Variants in LRRC7 observed in about 807,000 individuals in gnomAD.
LRRC7 encodes the protein leucine rich repeat containing 7, also known as leucine-rich repeat-containing protein 7.
In LRRC7, 23 loss-of-function variants were observed where a neutral mutation model predicts 175.7. The ratio of observed to expected loss-of-function variants is 0.13; its 90% CI spans 0.09 to 0.19. The LOEUF (loss-of-function observed/expected upper bound fraction) is 0.19. Ranked by LOEUF, LRRC7 falls within the 10% of genes least tolerant of loss-of-function variation. The pLI, the probability that LRRC7 is intolerant of heterozygous loss-of-function variation, is 1.00. For synonymous variants in LRRC7, 685 were observed against 680.9 expected, an observed-to-expected ratio of 1.01 and a Z score of -0.09; for missense variants, 1,354 against 1,904.7, an observed-to-expected ratio of 0.71 and a Z score of 5.38.
At chr1:69,801,187 G>A (rs984619541) in intron 4 of LRRC7, among the ~76,000 whole-genome samples, 7 of 151,524 alleles carry the variant, frequency 4.6e-5, no homozygotes, top group Non-Finnish European at 8.9e-5. Flanking sequence ...TTTTATTGTC[G>A]TGTCCTTGTC....
intron 7 of LRRC7, among the ~76,000 whole-genome samples, chr1:69,870,390 A>T (rs542734127): frequency 6.6e-6 from 1 of 152,072 alleles, no homozygotes; most frequent in African/African-American, 2.4e-5. Flanking sequence ...GGTCCTTCAT[A>T]GAAGAGGTTG....
At chr1:70,101,899 CAT>C (rs1029738533) in intron 25 of LRRC7, among the ~76,000 whole-genome samples, 52 of 152,202 alleles carry the variant, frequency 3.4e-4, no homozygotes, top group Non-Finnish European at 1.2e-4. Context: ...CTGTCTCAAA[CAT>C]GTCTGAATGC....
chr1:69,928,168 T>A (rs1322743964), intron 7 of LRRC7, among the ~76,000 whole-genome samples: 1 of 152,086 alleles, frequency 6.6e-6, no homozygotes, highest in Non-Finnish European at 1.5e-5. Context: ...TCTGGAAGTT[T>A]TGTCTCAGAG....
At chr1:69,942,079 T>C (rs1648781386) in intron 8 of LRRC7, among the ~76,000 whole-genome samples, 1 of 152,124 alleles carries the variant, frequency 6.6e-6, no homozygotes, top group South Asian at 2.1e-4. Context: ...TCTCAATACA[T>C]GCTCTGGCCC....
chr1:69,584,557 C>G lies in LRRC7; in HGVS notation c.2+15916C>G, dbSNP rs1646331004. 2.0e-5 allele frequency among the ~76,000 whole-genome samples: 3 copies of G among 152,052 alleles called. No individual in the cohort carries two copies. The South Asian group carries it at 6.2e-4, about 32-fold the overall frequency. On this transcript the variant is annotated intron_variant, in intron 1 of 26. Coordinates refer to ENST00000651989, the MANE Select transcript of LRRC7 (RefSeq NM_001370785.2). ...TCCTAAAAGTGAACATAATACCCAT[C>G]TCACATAAATATTGTGAAGATTTAA...
intron 24 of LRRC7, among the ~76,000 whole-genome samples, chr1:70,088,757 A>G (rs1278735232): frequency 1.3e-5 from 2 of 152,152 alleles, no homozygotes; most frequent in South Asian, 2.1e-4. Context: ...TAGGTTTGTT[A>G]GAGTTTCTCT....
Position 70,144,198 on chromosome 1 carries a change from T to C in LRRC7, c.*22311T>C, listed in dbSNP as rs1667209551. 9 of 152,242 alleles carry C rather than the reference T, an allele frequency of 5.9e-5. No homozygotes were observed. The highest frequency in any genetic ancestry group is 5.9e-4 in the Admixed American group (9 of 15,286). 9.4% of individuals were successfully genotyped at this position (152,242 alleles called of 1,614,324 possible). A position where few individuals can be genotyped will look rare whatever the true frequency, so the allele number is the denominator to read the frequency against. On this transcript the variant is annotated 3_prime_UTR_variant, in exon 27 of 27. Transcript: ENST00000651989. Reference sequence around the variant, plus strand: ...TGATTAGAATGCATTTTGAAGATGCTTTCTGTACAGATACAAAATACAGGG... The same window carrying C: ...TGATTAGAATGCATTTTGAAGATGCCTTCTGTACAGATACAAAATACAGGG...
chr1:69,590,538 T>C (rs1361474972), intron 1 of LRRC7, among the ~76,000 whole-genome samples: 2 of 152,126 alleles, frequency 1.3e-5, no homozygotes, highest in Admixed American at 1.3e-4. Flanking sequence ...CCAAAAATGG[T>C]CCGTAACAAT....
chr1:69,939,021 ATATATATATCTATATATATC>A (rs1328300068), intron 8 of LRRC7, among the ~76,000 whole-genome samples: 5 of 118,468 alleles, frequency 4.2e-5, no homozygotes, highest in African/African-American at 1.5e-4. Context: ...ATATCTATAT[ATATATATATCTATATATATC>A]TATATCTATC....
chr1:69,733,894 C>T (rs1161776648), intron 2 of LRRC7, among the ~76,000 whole-genome samples: 6 of 151,980 alleles, frequency 3.9e-5, no homozygotes, highest in Non-Finnish European at 8.8e-5. Context: ...TTGTACTGAT[C>T]ACCCACCAAC....
chr1:69,955,040 A>G (rs1026095761), intron 8 of LRRC7, among the ~76,000 whole-genome samples: 6 of 152,120 alleles, frequency 3.9e-5, no homozygotes, highest in Non-Finnish European at 7.4e-5. Context: ...CGTTCATTCA[A>G]CAACTCTTAG....
chr1:69,988,170 C>A (rs894811565), intron 10 of LRRC7, among the ~76,000 whole-genome samples: 3 of 152,198 alleles, frequency 2.0e-5, no homozygotes, highest in Admixed American at 1.3e-4. Context: ...TATAAAAACT[C>A]TATATATTCA....
At chr1:69,589,023 T>C (rs1646517969) in intron 1 of LRRC7, among the ~76,000 whole-genome samples, 1 of 99,942 alleles carries the variant, frequency 1.0e-5, no homozygotes, top group South Asian at 3.4e-4. Flanking sequence ...GCATGTGATG[T>C]AATATACATG....
chr1:70,003,115 G>A (rs914921185), intron 11 of LRRC7, among the ~76,000 whole-genome samples: 4 of 152,074 alleles, frequency 2.6e-5, no homozygotes, highest in Admixed American at 6.6e-5. Context: ...GCTTGTAGGC[G>A]ACCACCATGT....
intron 7 of LRRC7, among the ~76,000 whole-genome samples, chr1:69,853,050 T>G (rs1683165076): frequency 6.6e-6 from 1 of 152,140 alleles, no homozygotes; most frequent in Non-Finnish European, 1.5e-5. Context: ...TACAAAATCT[T>G]TAAGTCATCC....
At chr1:69,676,915 T>C (rs1659843682) in intron 1 of LRRC7, among the ~76,000 whole-genome samples, 2 of 152,168 alleles carry the variant, frequency 1.3e-5, no homozygotes, top group South Asian at 4.1e-4. Flanking sequence ...AGGTAGTTTT[T>C]CATTAATTAA....
rs538707536 is a variant in LRRC7 at position 70,137,632 on chromosome 1, G to A, written c.*15745G>A. Among the ~76,000 whole-genome samples the A allele has an allele frequency of 2.0e-5, 3 of 152,290 alleles. No individual in the cohort carries two copies. The South Asian group carries it at 6.2e-4, about 32-fold the overall frequency. On this transcript the variant is annotated 3_prime_UTR_variant, in exon 27 of 27. Coordinates refer to ENST00000651989, the MANE Select transcript of LRRC7 (RefSeq NM_001370785.2). The stretch of plus-strand genomic sequence containing the variant: ...GAAATGCAACTTGAACAGCCCCTGA[G>A]ATAAAATTTTCTAGGAAGTATAAAA...
intron 2 of LRRC7, among the ~76,000 whole-genome samples, chr1:69,683,559 T>C (rs1660756927): frequency 6.6e-6 from 1 of 152,034 alleles, no homozygotes; most frequent in South Asian, 2.1e-4. Flanking sequence ...TATTCAGTGA[T>C]AAGAGAAAAA....
chr1:69,764,289 G>C (rs1671360671), intron 3 of LRRC7, among the ~76,000 whole-genome samples: 1 of 151,890 alleles, frequency 6.6e-6, no homozygotes, highest in East Asian at 1.9e-4. Context: ...TATATATGAA[G>C]TAGTGTGGGA....
Sources: allele counts gnomAD v4.1 joint callset (sites outside exome capture counted in the v4.1 genomes callset), GRCh38; gene constraint gnomAD v4.1.1; transcripts MANE v1.5; gene names NCBI Gene and HGNC (gene_info 2026-07-23, HGNC 2026-07-21).